Variants in SLC30A7 observed in about 807,000 individuals in gnomAD.
SLC30A7 encodes the protein solute carrier family 30 member 7.
Under a neutral mutation model 46.0 loss-of-function variants are expected in SLC30A7, and 35 were observed. The observed-to-expected ratio is 0.76, with a 90% CI of 0.58 to 1.01. SLC30A7 has a LOEUF of 1.01. Among genes scored for constraint, SLC30A7 ranks in the 50% least tolerant of loss-of-function variants. SLC30A7 has a pLI of 0.00. For missense variants in SLC30A7, 464 were observed against 451.1 expected, an observed-to-expected ratio of 1.03 and a Z score of -0.26; for synonymous variants, 147 against 157.8, an observed-to-expected ratio of 0.93 and a Z score of 0.51.
chr1:100,985,471 T>A (rs1657210345), downstream of SLC30A7, among the ~76,000 whole-genome samples: 1 of 152,112 alleles, frequency 6.6e-6, no homozygotes, highest in Non-Finnish European at 1.5e-5. Context: ...CTAAAACAAC[T>A]TTGAAAAAAG....
At position 100,896,118 on chromosome 1, in the gene SLC30A7, C is replaced by G. The variant is rs978514042; in HGVS notation, c.-145C>G. On this transcript the variant is annotated 5_prime_UTR_variant, in exon 1 of 11. Transcript: ENST00000357650. ...AGTAAGCGAATTCCCGGGTGTGTGT[C>G]TGTGTCTGTCTGTGTCTCGCAGCGG... 1.6e-5 allele frequency: 11 copies of G among 696,106 alleles called. No homozygotes were observed. The highest frequency in any genetic ancestry group is 2.6e-5 in the Non-Finnish European group (10 of 389,266). 43.1% of individuals were successfully genotyped at this position (696,106 alleles called of 1,614,324 possible).
At chr1:100,941,869 TGA>T (rs1241880297) in intron 8 of SLC30A7, 8 of 452,700 alleles carry the variant, frequency 1.8e-5, no homozygotes, top group Non-Finnish European at 3.3e-5. Context: ...ACACACTCTG[TGA>T]GTGTTCCCCA....
chr1:100,911,306 GAAAAATTA>G (rs1485091273), intron 4 of SLC30A7, among the ~76,000 whole-genome samples, 156 bp downstream of exon 4: 1 of 151,990 alleles, frequency 6.6e-6, no homozygotes. Flanking sequence ...CAAAATAGTT[GAAAAATTA>G]AATATATATG....
chr1:100,929,341 A>T (rs1347639854), intron 8 of SLC30A7, among the ~76,000 whole-genome samples: 1 of 152,052 alleles, frequency 6.6e-6, no homozygotes, highest in Non-Finnish European at 1.5e-5. Flanking sequence ...CTAGTTCAGC[A>T]TTTTTTTCAT....
At chr1:100,920,747 A>C (rs1652883066) in intron 7 of SLC30A7, among the ~76,000 whole-genome samples, 1 of 152,022 alleles carries the variant, frequency 6.6e-6, no homozygotes, top group South Asian at 2.1e-4. Context: ...TGTGCAGTGA[A>C]TACTAAAAAA....
intron 8 of SLC30A7, among the ~76,000 whole-genome samples, chr1:100,951,092 T>G (rs1337310579): frequency 6.6e-6 from 1 of 152,172 alleles, no homozygotes; most frequent in Non-Finnish European, 1.5e-5. Context: ...GGAAGACAGC[T>G]GCTGAAAAGT....
At chr1:100,934,640 C>T (rs1382206471) in intron 8 of SLC30A7, among the ~76,000 whole-genome samples, 1 of 150,708 alleles carries the variant, frequency 6.6e-6, no homozygotes. Context: ...TGAGGATACA[C>T]ATAGATTATC....
At chr1:100,973,802 T>A (rs549122334) in intron 10 of SLC30A7, among the ~76,000 whole-genome samples, 14 of 152,064 alleles carry the variant, frequency 9.2e-5, no homozygotes, top group African/African-American at 3.1e-4. Context: ...AAAGGGAAAA[T>A]ATATATATCT....
chr1:100,922,398 C>T (rs145594819), intron 8 of SLC30A7, among the ~76,000 whole-genome samples: 28 of 152,234 alleles, frequency 1.8e-4, no homozygotes, highest in African/African-American at 6.5e-4. Context: ...TTCTTGAATG[C>T]AACATTACAT....
intron 6 of SLC30A7, among the ~76,000 whole-genome samples, chr1:100,914,487 A>C (rs570546632): frequency 6.6e-6 from 1 of 152,238 alleles, no homozygotes; most frequent in South Asian, 2.1e-4. Flanking sequence ...TCAATTTTTC[A>C]CATTTGTATT....
intron 6 of SLC30A7, 47 bp downstream of exon 6, chr1:100,913,853 G>A (rs776215161): frequency 1.3e-6 from 2 of 1,567,284 alleles, no homozygotes; most frequent in East Asian, 4.6e-5. Context: ...ATAAACAAGA[G>A]TTTTGTGGAT....
At chr1:100,993,788 C>T in the SLC30A7 span, among the ~76,000 whole-genome samples, 2 of 151,454 alleles carry the variant, frequency 1.3e-5, no homozygotes, top group East Asian at 1.9e-4. Context: ...GTTGCCCAGG[C>T]TGCAGTACAG....
intron 8 of SLC30A7, among the ~76,000 whole-genome samples, chr1:100,934,811 A>C (rs1653853180): frequency 6.6e-6 from 1 of 152,096 alleles, no homozygotes. Context: ...AAAGCAAATA[A>C]AAATCTGCTA....
At chr1:100,922,224 T>C (rs6577215) in intron 8 of SLC30A7, among the ~76,000 whole-genome samples, 42,304 of 151,898 alleles carry the variant, frequency 0.28, 6,034 homozygotes, top group Middle Eastern at 0.36. Flanking sequence ...CCTCAGCCTC[T>C]GAAAGCGCTG....
intron 2 of SLC30A7, among the ~76,000 whole-genome samples, chr1:100,902,531 T>C (rs1242692771): frequency 1.3e-5 from 2 of 152,192 alleles, no homozygotes; most frequent in Non-Finnish European, 2.9e-5. Flanking sequence ...CTAGGTGGCT[T>C]AAACCACAGA....
At chr1:100,954,341 A>G (rs1392955260) in intron 8 of SLC30A7, among the ~76,000 whole-genome samples, 1 of 152,192 alleles carries the variant, frequency 6.6e-6, no homozygotes. Flanking sequence ...TCTCATCAGT[A>G]AAATGAGGGA....
At chr1:100,952,667 G>C (rs1655020007) in intron 8 of SLC30A7, among the ~76,000 whole-genome samples, 1 of 152,122 alleles carries the variant, frequency 6.6e-6, no homozygotes, top group Non-Finnish European at 1.5e-5. Context: ...ACTAGTTCTT[G>C]GCTACCTGAT....
intron 8 of SLC30A7, among the ~76,000 whole-genome samples, chr1:100,942,243 C>T (rs1654390840): frequency 6.6e-6 from 1 of 152,148 alleles, no homozygotes; most frequent in Non-Finnish European, 1.5e-5. Flanking sequence ...ATAGTATTAA[C>T]TCAGAGGAAT....
chr1:100,916,249 C>A (rs1391716680), intron 6 of SLC30A7, among the ~76,000 whole-genome samples: 4 of 151,798 alleles, frequency 2.6e-5, no homozygotes, highest in Non-Finnish European at 5.9e-5. Flanking sequence ...TTCAGTGGTG[C>A]GATATCGGCT....
Sources: allele counts gnomAD v4.1 joint callset (sites outside exome capture counted in the v4.1 genomes callset), GRCh38; gene constraint gnomAD v4.1.1; transcripts MANE v1.5; gene names NCBI Gene and HGNC (gene_info 2026-07-23, HGNC 2026-07-21).